LHFPL6: variants seen among roughly 807,000 people sequenced by gnomAD.
The protein encoded by LHFPL6 is LHFPL tetraspan subfamily member 6.
Under a neutral mutation model 20.6 loss-of-function variants are expected in LHFPL6, and 9 were observed. The ratio of observed to expected loss-of-function variants is 0.44; its 90% CI spans 0.26 to 0.76. LHFPL6 has a LOEUF of 0.76. Ranked by LOEUF, LHFPL6 falls within the 30% of genes least tolerant of loss-of-function variation. The pLI, the probability that LHFPL6 is intolerant of heterozygous loss-of-function variation, is 0.20. For synonymous variants in LHFPL6, 105 were observed against 98.7 expected, an observed-to-expected ratio of 1.06 and a Z score of -0.38; for missense variants, 218 against 253.5, an observed-to-expected ratio of 0.86 and a Z score of 0.95.
At chr13:39,580,102 C>T (rs1056073483) in intron 2 of LHFPL6, among the ~76,000 whole-genome samples, 6 of 151,974 alleles carry the variant, frequency 3.9e-5, no homozygotes, top group Non-Finnish European at 8.8e-5. Flanking sequence ...TTTAATTGGT[C>T]TCAGTGGTTA....
At chr13:39,485,523 C>T (rs1340337923) in intron 2 of LHFPL6, among the ~76,000 whole-genome samples, 6 of 152,078 alleles carry the variant, frequency 3.9e-5, no homozygotes, top group Non-Finnish European at 7.4e-5. Flanking sequence ...CTTACTAGAG[C>T]CCTGATAGAA....
In LHFPL6 at chr13:39,410,476, G is replaced by T. The variant is rs552956151; in HGVS notation, c.386-31950C>A. On this transcript the variant is annotated intron_variant, in intron 2 of 3. Transcript: ENST00000379589. ...GAAAACAATGTTATTACACAACTTAGAAGTGAACTCTCCATCTAGGATCTA... is the reference window on the plus strand; with the variant it reads ...GAAAACAATGTTATTACACAACTTATAAGTGAACTCTCCATCTAGGATCTA... Among the ~76,000 whole-genome samples the T allele has an allele frequency of 1.6e-3, 237 of 152,278 alleles. 3 individuals are homozygous for T. The highest frequency in any genetic ancestry group is 5.1e-3 in the African/African-American group (213 of 41,550).
At chr13:39,363,342 C>A (rs1343165557) in intron 3 of LHFPL6, among the ~76,000 whole-genome samples, 2 of 151,880 alleles carry the variant, frequency 1.3e-5, no homozygotes, top group East Asian at 3.9e-4. Context: ...CTTCTGCCAC[C>A]CAGAGCATCA....
chr13:39,358,895 G>C (rs1869800227), intron 3 of LHFPL6, among the ~76,000 whole-genome samples: 1 of 152,112 alleles, frequency 6.6e-6, no homozygotes, highest in Non-Finnish European at 1.5e-5. Flanking sequence ...AAAATAGACT[G>C]GGTGTGGTGG....
intron 2 of LHFPL6, among the ~76,000 whole-genome samples, chr13:39,399,276 A>G (rs1288835564): frequency 6.6e-6 from 1 of 152,248 alleles, no homozygotes; most frequent in East Asian, 1.9e-4. Context: ...GAAAACACAG[A>G]CACCACAGTC....
intron 2 of LHFPL6, among the ~76,000 whole-genome samples, chr13:39,389,749 G>T (rs1199159874): frequency 2.0e-5 from 3 of 152,156 alleles, no homozygotes; most frequent in Admixed American, 1.3e-4. Flanking sequence ...TGCAGAGAAA[G>T]CAAACTATTT....
intron 2 of LHFPL6, among the ~76,000 whole-genome samples, chr13:39,584,809 A>G (rs1271367437): frequency 6.6e-6 from 1 of 152,160 alleles, no homozygotes; most frequent in African/African-American, 2.4e-5. Context: ...TAATGACTCC[A>G]TTGTAGTTCC....
rs141664938 is a variant in LHFPL6 at position 39,550,199 on chromosome 13, C to A, written c.385+50633G>T. Among the ~76,000 whole-genome samples the A allele has an allele frequency of 6.4e-4, 98 of 152,140 alleles. 1 individual carries two copies. The highest frequency in any genetic ancestry group is 2.3e-3 in the African/African-American group (97 of 41,472). On this transcript the variant is annotated intron_variant, in intron 2 of 3. Coordinates refer to ENST00000379589, the MANE Select transcript of LHFPL6 (RefSeq NM_005780.3). ...ATATTGCATGATTCCATTTATATGGCTTTCTGGAAAAGGGAAAACTATAGG... is the reference window on the plus strand; with the variant it reads ...ATATTGCATGATTCCATTTATATGGATTTCTGGAAAAGGGAAAACTATAGG...
At chr13:39,541,048 C>G (rs1467589207) in intron 2 of LHFPL6, among the ~76,000 whole-genome samples, 2 of 152,054 alleles carry the variant, frequency 1.3e-5, no homozygotes, top group Non-Finnish European at 2.9e-5. Flanking sequence ...GAGAAGTAAG[C>G]CTGACAAGAT....
chr13:39,585,078 A>G (rs1872406454), intron 2 of LHFPL6, among the ~76,000 whole-genome samples: 1 of 152,176 alleles, frequency 6.6e-6, no homozygotes, highest in African/African-American at 2.4e-5. Flanking sequence ...ACAGCACCCC[A>G]ATACACCCAT....
chr13:39,416,834 G>T (rs550858511), intron 2 of LHFPL6, among the ~76,000 whole-genome samples: 4 of 151,970 alleles, frequency 2.6e-5, no homozygotes, highest in Admixed American at 2.6e-4. Flanking sequence ...GTTAAAACCT[G>T]AGTTCTGCTA....
intron 2 of LHFPL6, among the ~76,000 whole-genome samples, chr13:39,524,777 G>C (rs1377202656): frequency 6.6e-6 from 1 of 152,218 alleles, no homozygotes; most frequent in Non-Finnish European, 1.5e-5. Flanking sequence ...CACTAGGGGA[G>C]ATGGACTTTA....
intron 2 of LHFPL6, among the ~76,000 whole-genome samples, chr13:39,542,016 G>A (rs1272936072): frequency 3.3e-5 from 5 of 151,618 alleles, no homozygotes; most frequent in Non-Finnish European, 7.4e-5. Flanking sequence ...GCGTGAACCC[G>A]GGAGGCAGAG....
chr13:39,551,808 C>T (rs1443911107), intron 2 of LHFPL6, among the ~76,000 whole-genome samples: 1 of 152,162 alleles, frequency 6.6e-6, no homozygotes, highest in African/African-American at 2.4e-5. Flanking sequence ...TTCTTTTTCA[C>T]CCCTGCCTAT....
chr13:39,353,479 C>A (rs1468617835), intron 3 of LHFPL6, among the ~76,000 whole-genome samples: 3 of 151,822 alleles, frequency 2.0e-5, no homozygotes, highest in African/African-American at 7.3e-5. Context: ...GTAATCCCAG[C>A]ACTTTGGGAG....
chr13:39,512,601 C>CAAAAAAAAAAAAAAAAAA (rs565183661), intron 2 of LHFPL6, among the ~76,000 whole-genome samples: 1 of 109,592 alleles, frequency 9.1e-6, no homozygotes, highest in Non-Finnish European at 1.8e-5. Context: ...GCCTCCGTCT[C>CAAAAAAAAAAAAAAAAAA]AAAAAAAAAA....
intron 2 of LHFPL6, among the ~76,000 whole-genome samples, chr13:39,523,088 A>C (rs1184949599): frequency 1.3e-5 from 2 of 152,262 alleles, no homozygotes; most frequent in African/African-American, 4.8e-5. Context: ...GACCTTAGAC[A>C]ATTTACATAA....
At chr13:39,423,073 A>G (rs1182075215) in intron 2 of LHFPL6, among the ~76,000 whole-genome samples, 1 of 152,196 alleles carries the variant, frequency 6.6e-6, no homozygotes, top group Non-Finnish European at 1.5e-5. Flanking sequence ...CTCCCATGAC[A>G]TGTGGGGATT....
intron 2 of LHFPL6, among the ~76,000 whole-genome samples, chr13:39,490,083 TAAAC>T (rs1868866649): frequency 1.2e-5 from 1 of 84,272 alleles, no homozygotes; most frequent in South Asian, 4.2e-4. Context: ...AATAACAGAT[TAAAC>T]AAACAAACAA....
Sources: allele counts gnomAD v4.1 joint callset (sites outside exome capture counted in the v4.1 genomes callset), GRCh38; gene constraint gnomAD v4.1.1; transcripts MANE v1.5; gene names NCBI Gene and HGNC (gene_info 2026-07-23, HGNC 2026-07-21).